LHFPL3: variants seen among roughly 807,000 people sequenced by gnomAD.
LHFPL3 encodes the protein LHFPL tetraspan subfamily member 3.
Under a neutral mutation model 19.3 loss-of-function variants are expected in LHFPL3, and 5 were observed. The ratio of observed to expected loss-of-function variants is 0.26; its 90% confidence interval spans 0.14 to 0.54. The LOEUF (loss-of-function observed/expected upper bound fraction) is 0.54, where lower values mean the gene tolerates loss of function less well. LHFPL3 is among the 20% of genes least tolerant of loss of function. The probability of loss-of-function intolerance (pLI) is 0.94; values close to 1 mark genes in which losing one functional copy is unlikely to be tolerated. For synonymous variants in LHFPL3, 133 were observed against 126.2 expected, an observed-to-expected ratio of 1.05 and a Z score of -0.36; for missense variants, 249 against 307.4, an observed-to-expected ratio of 0.81 and a Z score of 1.42.
chr7:104,576,543 A>G (rs1790342087), intron 1 of LHFPL3, among the ~76,000 whole-genome samples: 1 of 152,192 alleles, frequency 6.6e-6, no homozygotes, highest in Non-Finnish European at 1.5e-5. Flanking sequence ...TATCTAAACA[A>G]AGAGTAGATT....
At chr7:104,470,771 A>C (rs1408740745) in intron 1 of LHFPL3, among the ~76,000 whole-genome samples, 1 of 152,160 alleles carries the variant, frequency 6.6e-6, no homozygotes, top group Non-Finnish European at 1.5e-5. Context: ...CAACATGACT[A>C]CATGTAGGAG....
chr7:104,584,106 CA>C (rs913672185), intron 1 of LHFPL3, among the ~76,000 whole-genome samples: 1 of 152,018 alleles, frequency 6.6e-6, no homozygotes, highest in African/African-American at 2.4e-5. Context: ...GGCACATATA[CA>C]CCATGGAATA....
At chr7:104,479,396 CT>C (rs35217752) in intron 1 of LHFPL3, among the ~76,000 whole-genome samples, 61,056 of 146,930 alleles carry the variant, frequency 0.42, 12,775 homozygotes, top group South Asian at 0.67. Flanking sequence ...TCTTCCACTT[CT>C]TTTTTTTTTT....
At chr7:104,408,135 T>C (rs1316657132) in intron 1 of LHFPL3, among the ~76,000 whole-genome samples, 1 of 152,168 alleles carries the variant, frequency 6.6e-6, no homozygotes, top group Non-Finnish European at 1.5e-5. Flanking sequence ...TGAGTGGGCT[T>C]TTTCTTACTC....
At chr7:104,405,568 C>T (rs931034614) in intron 1 of LHFPL3, among the ~76,000 whole-genome samples, 1 of 152,190 alleles carries the variant, frequency 6.6e-6, no homozygotes, top group South Asian at 2.1e-4. Context: ...TACGATTATT[C>T]CCATCTTATA....
chr7:104,557,839 C>T (rs1318872849), intron 1 of LHFPL3, among the ~76,000 whole-genome samples: 1 of 150,144 alleles, frequency 6.7e-6, no homozygotes, highest in African/African-American at 2.5e-5. Context: ...TCCCCCCACC[C>T]CACCACAGTC....
At chr7:104,749,990 T>C (rs1196520825) in intron 2 of LHFPL3, among the ~76,000 whole-genome samples, 2 of 152,174 alleles carry the variant, frequency 1.3e-5, no homozygotes, top group Non-Finnish European at 2.9e-5. Flanking sequence ...TTGGTCATGA[T>C]TTTTTGACTC....
chr7:104,782,946 G>A lies in LHFPL3; in HGVS notation c.682+46035G>A, dbSNP rs115906519. Among the ~76,000 whole-genome samples the A allele has an allele frequency of 2.1e-3, 322 of 152,310 alleles. 2 individuals carry two copies. The highest frequency in any genetic ancestry group is 7.1e-3 in the African/African-American group (297 of 41,562). On this transcript the variant is annotated intron_variant, in intron 2 of 2. Transcript: ENST00000424859. ...TGTGGATGAACACAAGTGCGCACGC[G>A]CGCACACACACACATGCACACATAC...
At chr7:104,639,813 A>G (rs1366770319) in intron 1 of LHFPL3, among the ~76,000 whole-genome samples, 1 of 152,210 alleles carries the variant, frequency 6.6e-6, no homozygotes, top group Non-Finnish European at 1.5e-5. Flanking sequence ...AACATATATA[A>G]AGTCATTGAC....
Position 104,531,345 on chromosome 7 carries a change from C to G in LHFPL3, c.445+202121C>G, listed in dbSNP as rs371454615. ...CAAGCTAACAATCACATCTGTTAGCCACTGGATAAAATAAGAGTTGGCAAG... is the reference window on the plus strand; with the variant it reads ...CAAGCTAACAATCACATCTGTTAGCGACTGGATAAAATAAGAGTTGGCAAG... On this transcript the variant is annotated intron_variant, in intron 1 of 2. Coordinates refer to ENST00000424859, the MANE Select transcript of LHFPL3 (RefSeq NM_199000.3). Among the ~76,000 whole-genome samples, 121 of 152,278 alleles carry G rather than the reference C, an allele frequency of 7.9e-4. 1 individual carries two copies. In the South Asian group the frequency reaches 0.015, roughly 19 times the overall value.
rs116588229 is a variant in LHFPL3 at position 104,585,798 on chromosome 7, A to C, written c.446-150877A>C. Among the ~76,000 whole-genome samples, 126 of 152,200 alleles carry C rather than the reference A, an allele frequency of 8.3e-4. 1 individual carries two copies. The highest frequency in any genetic ancestry group is 2.8e-3 in the African/African-American group (118 of 41,542). On this transcript the variant is annotated intron_variant, in intron 1 of 2. Coordinates refer to ENST00000424859, the MANE Select transcript of LHFPL3 (RefSeq NM_199000.3). ...GTAATGTACTTTTGAAAGCTTAACA[A>C]AATTACTTAAAATCATGCAGGGAAA...
chr7:104,646,916 C>T (rs1240661891), intron 1 of LHFPL3, among the ~76,000 whole-genome samples: 1 of 152,202 alleles, frequency 6.6e-6, no homozygotes, highest in African/African-American at 2.4e-5. Flanking sequence ...CCTTCCATGT[C>T]CCAAGTACTC....
chr7:104,891,834 G>C (rs941318625), intron 2 of LHFPL3, among the ~76,000 whole-genome samples: 6 of 152,224 alleles, frequency 3.9e-5, no homozygotes, highest in African/African-American at 1.2e-4. Flanking sequence ...AATGAAAAGA[G>C]ATATGGTGTA....
At chr7:104,610,239 T>A (rs954886271) in intron 1 of LHFPL3, among the ~76,000 whole-genome samples, 1 of 152,138 alleles carries the variant, frequency 6.6e-6, no homozygotes, top group Non-Finnish European at 1.5e-5. Flanking sequence ...TCTGGCATCT[T>A]TGATTGAATT....
At chr7:104,886,864 C>G (rs1230697608) in intron 2 of LHFPL3, among the ~76,000 whole-genome samples, 1 of 152,210 alleles carries the variant, frequency 6.6e-6, no homozygotes, top group East Asian at 1.9e-4. Flanking sequence ...GCTGCTCTCT[C>G]TGAAAATCAA....
At chr7:104,360,182 G>T (rs188142871) in intron 1 of LHFPL3, among the ~76,000 whole-genome samples, 1 of 152,322 alleles carries the variant, frequency 6.6e-6, no homozygotes, top group East Asian at 1.9e-4. Context: ...GGGAAGCCAC[G>T]CAGTAGGAAG....
chr7:104,441,868 C>G (rs1299373486), intron 1 of LHFPL3, among the ~76,000 whole-genome samples: 1 of 152,176 alleles, frequency 6.6e-6, no homozygotes, highest in East Asian at 1.9e-4. Context: ...GCCACTGCGC[C>G]TGGCTGAGAA....
chr7:104,365,805 AG>A (rs1790483563), intron 1 of LHFPL3, among the ~76,000 whole-genome samples: 1 of 149,380 alleles, frequency 6.7e-6, no homozygotes, highest in East Asian at 2.0e-4. Flanking sequence ...AAAAAAAAAA[AG>A]AAAAGCCTCT....
At chr7:104,623,180 T>C (rs1231407206) in intron 1 of LHFPL3, among the ~76,000 whole-genome samples, 2 of 152,234 alleles carry the variant, frequency 1.3e-5, no homozygotes, top group Non-Finnish European at 2.9e-5. Context: ...GATATCCGAT[T>C]TGCAAGTATC....
Sources: gnomAD v4.1 joint callset for allele counts (sites outside exome capture counted in the v4.1 genomes callset) on GRCh38, gnomAD v4.1.1 for gene constraint, MANE v1.5 for transcripts, NCBI Gene and HGNC (gene_info 2026-07-23, HGNC 2026-07-21) for gene names.